Variants in PTK7 observed in about 807,000 individuals in gnomAD.
PTK7 encodes inactive tyrosine-protein kinase 7.
Under a neutral mutation model 116.6 loss-of-function variants are expected in PTK7, and 39 were observed. The ratio of observed to expected loss-of-function variants is 0.33; its 90% CI spans 0.26 to 0.44. PTK7 has a LOEUF of 0.44. Among genes scored for constraint, PTK7 ranks in the 20% least tolerant of loss-of-function variants. The pLI, the probability that PTK7 is intolerant of heterozygous loss-of-function variation, is 1.00. For synonymous variants in PTK7, 546 were observed against 563.6 expected (o/e 0.97, Z 0.44); for missense variants, 1,169 against 1,425.6 (o/e 0.82, Z 2.90).
At chr6:43,110,500 C>A (rs1032949849) in intron 1 of PTK7, among the ~76,000 whole-genome samples, 6 of 151,774 alleles carry the variant, frequency 4.0e-5, no homozygotes, top group Non-Finnish European at 5.9e-5. Context: ...GCAACCTCCG[C>A]CTCTGGGTTC....
intron 19 of PTK7, 106 bp from the exon 20 acceptor site, chr6:43,160,615 C>A: frequency 6.9e-7 from 1 of 1,441,080 alleles, no homozygotes. Context: ...AGCATTGCCC[C>A]AGAGGCATCC....
In PTK7 at chr6:43,143,153, G is replaced by A. The variant is rs1014601855; in HGVS notation, c.2048-264G>A. ...TAACGTGGGTTTGTGGTAGCTCCTT[G>A]ACAGGTGTGCTTATCCGTGTCGCCT... On this transcript the variant is annotated intron_variant, in intron 13 of 19. Transcript: ENST00000230419. The surrounding 1 kb of genome is among the most constrained non-coding windows in gnomAD (Gnocchi z 4.2). 8 of 438,520 alleles carry A rather than the reference G, an allele frequency of 1.8e-5. No homozygotes were observed. The highest frequency in any genetic ancestry group is 2.5e-5 in the Non-Finnish European group (6 of 244,010). The allele number at this position is 438,520 out of a possible 1,614,324, so 27.2% of individuals were successfully genotyped here. A position where few individuals can be genotyped will look rare whatever the true frequency, so the allele number is the denominator to read the frequency against.
chr6:43,130,612 A>C lies in PTK7; in HGVS notation c.763A>C (p.Ser255Arg). The change falls in exon 5 of 20, where the codon AGC becomes CGC. Residue 255 changes from serine (S) to arginine (R), a missense_variant. Physicochemically the swap from Ser to Arg is moderately radical, Grantham distance 110 (BLOSUM62 -1). Coordinates refer to ENST00000230419, the MANE Select transcript of PTK7 (RefSeq NM_002821.5). ...CCAGTTCTCAGCCCAGCCACCCCCGAGCCTGCAGTGGCTCTTTGAGGATGA... is the reference window on the plus strand; with the variant it reads ...CCAGTTCTCAGCCCAGCCACCCCCGCGCCTGCAGTGGCTCTTTGAGGATGA... ...HCQFSAQPPPSLQWLFEDETP... is the reference protein window; with the variant it reads ...HCQFSAQPPPRLQWLFEDETP... The C allele has an allele frequency of 6.2e-7, 1 of 1,614,150 alleles. No homozygotes were observed. The highest frequency in any genetic ancestry group is 8.5e-7 in the Non-Finnish European group (1 of 1,180,034).
Position 43,144,542 on chromosome 6 carries a change from A to G in PTK7, c.2343A>G (p.Lys781=). 1 of 1,614,088 alleles carries G rather than the reference A, an allele frequency of 6.2e-7. No individual in the cohort carries two copies. Residue 781 remains lysine, a synonymous_variant, in exon 15 of 20, where the codon AAA becomes AAG. Coordinates refer to ENST00000230419, the MANE Select transcript of PTK7 (RefSeq NM_002821.5). The part of the protein sequence containing the change: ...SLGSGPAATN[K]RHSTSDKMHF... ...GCTCCGGCCCCGCGGCCACCAACAA[A>G]CGCCACAGCACAAGTGATAAGATGC...
chr6:43,077,200 C>T (rs1201535787), intron 1 of PTK7, among the ~76,000 whole-genome samples: 1 of 152,246 alleles, frequency 6.6e-6, no homozygotes, highest in Non-Finnish European at 1.5e-5. Context: ...GTCTGGAACC[C>T]TGCGCCCACT....
chr6:43,153,179 C>T (rs534487016), intron 17 of PTK7, among the ~76,000 whole-genome samples: 2 of 147,842 alleles, frequency 1.4e-5, no homozygotes, highest in South Asian at 2.2e-4. Flanking sequence ...GGCATGATTT[C>T]GGCTCACTGC....
chr6:43,160,040 T>G, intron 19 of PTK7, 74 bp downstream of exon 19: 1 of 1,485,394 alleles, frequency 6.7e-7, no homozygotes, highest in Non-Finnish European at 9.1e-7. Flanking sequence ...CCAGGGCTGG[T>G]TCAGCCTACC....
chr6:43,154,581 AT>A (rs1296767699), intron 17 of PTK7, among the ~76,000 whole-genome samples: 2 of 152,074 alleles, frequency 1.3e-5, no homozygotes, highest in African/African-American at 4.8e-5. Context: ...GCTGGCTAAG[AT>A]TCCCTAAATT....
chr6:43,095,046 A>G (rs1290853180), intron 1 of PTK7, among the ~76,000 whole-genome samples: 1 of 149,604 alleles, frequency 6.7e-6, no homozygotes, highest in African/African-American at 2.5e-5. Flanking sequence ...TCTGTCTCAA[A>G]ATAATAATAA....
At chr6:43,151,788 C>T (rs1771111358) in intron 17 of PTK7, among the ~76,000 whole-genome samples, 5 of 151,456 alleles carry the variant, frequency 3.3e-5, no homozygotes, top group Admixed American at 1.3e-4. Context: ...CCGCCCGCCT[C>T]GGCCTCCCAA....
At chr6:43,116,645 T>C (rs868554331) in intron 1 of PTK7, among the ~76,000 whole-genome samples, 273 of 76,388 alleles carry the variant, frequency 3.6e-3, no homozygotes, top group Middle Eastern at 7.2e-3. Context: ...TGTGTGTGTG[T>C]GTGTGTGCGC....
intron 1 of PTK7, among the ~76,000 whole-genome samples, chr6:43,126,914 G>A (rs1045214624): frequency 1.3e-5 from 2 of 152,232 alleles, no homozygotes; most frequent in African/African-American, 2.4e-5. Flanking sequence ...GCTTGGAGCT[G>A]CTTCCAGCTC....
Position 43,143,462 on chromosome 6 carries a change from C to G in PTK7, c.2093C>G (p.Pro698Arg), listed in dbSNP as rs148120569. 442 of 1,614,092 alleles carry G rather than the reference C, an allele frequency of 2.7e-4. 1 individual carries two copies. The highest frequency in any genetic ancestry group is 2.0e-3 in the East Asian group (88 of 44,874). ...TCGGAGGGCCCTGGCAGCCCTCCCC[C>G]CTACAAGATGATCCAGACCATTGGG... ...EESEGPGSPP[P>R]YKMIQTIGLS... Residue 698 changes from proline to arginine, a missense_variant, in exon 14 of 20, where the codon CCC (proline) becomes CGC (arginine). This residue lies in a region of PTK7 where 678 missense variants were observed against 853.8 expected (regional missense o/e 0.79). Transcript: ENST00000230419. The surrounding 1 kb of genome is among the most constrained non-coding windows in gnomAD (Gnocchi z 4.2).
At chr6:43,118,747 GTA>G (rs1255170075) in intron 1 of PTK7, among the ~76,000 whole-genome samples, 40 of 121,400 alleles carry the variant, frequency 3.3e-4, no homozygotes, top group Middle Eastern at 3.9e-3. Flanking sequence ...ATATGTGTGT[GTA>G]TGTGTGTGTG....
chr6:43,091,259 C>T (rs1202926986), intron 1 of PTK7, among the ~76,000 whole-genome samples: 1 of 149,236 alleles, frequency 6.7e-6, no homozygotes, highest in Non-Finnish European at 1.5e-5. Context: ...CTCCTGGGTT[C>T]AAGTGACCCT....
chr6:43,098,675 G>A lies in PTK7; in HGVS notation c.79+22108G>A, dbSNP rs187967691. On this transcript the variant is annotated intron_variant, in intron 1 of 19. Transcript: ENST00000230419. ...CCTGCCAAGTCAAGATTTTTTAAAA[G>A]TAGTAAACGGTATGCTACTAGAATT... Among the ~76,000 whole-genome samples the A allele has an allele frequency of 4.7e-4, 72 of 152,266 alleles. 1 individual carries two copies. The East Asian group carries it at 0.013, about 27-fold the overall frequency.
intron 1 of PTK7, among the ~76,000 whole-genome samples, chr6:43,105,364 A>G (rs1382066955): frequency 1.3e-5 from 2 of 151,434 alleles, no homozygotes; most frequent in East Asian, 3.9e-4. Context: ...GGTAATTGAT[A>G]CAGTGAAATA....
At chr6:43,078,865 G>C (rs1178012814) in intron 1 of PTK7, among the ~76,000 whole-genome samples, 1 of 152,066 alleles carries the variant, frequency 6.6e-6, no homozygotes, top group Non-Finnish European at 1.5e-5. Flanking sequence ...TCTTTCCTCC[G>C]GGCTCTTGTT....
chr6:43,139,190 G>T lies in PTK7; in HGVS notation c.1417G>T (p.Val473Leu), dbSNP rs1177278956. ...NGTLRINSVE[V>L]YDGTWYRCMS... ...GACCTTGCGCATCAACAGCGTGGAG[G>T]TGTATGATGGGACATGGTACCGTTG... Residue 473 changes from valine (V) to leucine (L), a missense_variant, in exon 9 of 20, where the codon GTG (valine) becomes TTG (leucine). By Grantham distance (32) the Val-to-Leu change is conservative (BLOSUM62 1). Transcript: ENST00000230419. The surrounding 1 kb of genome is among the most constrained non-coding windows in gnomAD (Gnocchi z 4.6). 1 of 1,614,252 alleles carries T rather than the reference G, an allele frequency of 6.2e-7. No homozygotes were observed.
Sources: gnomAD v4.1 joint callset for allele counts (sites outside exome capture counted in the v4.1 genomes callset) on GRCh38, gnomAD v4.1.1 for gene constraint, gnomAD v4.1.1 regional missense constraint, Gnocchi (gnomAD v3.1) non-coding constraint, MANE v1.5 for transcripts, NCBI Gene and HGNC (gene_info 2026-07-23, HGNC 2026-07-21) for gene names.